TENT5D: variants seen among roughly 807,000 people sequenced by gnomAD.
TENT5D encodes the protein cancer/testis antigen 112.
For synonymous variants in TENT5D, 103 were observed against 100.6 expected (o/e 1.02, Z -0.15); for missense variants, 191 against 287.0 (o/e 0.67, Z 2.42).
At chrX:80,366,600 G>A (rs762486894) in intron 3 of TENT5D, among the ~76,000 whole-genome samples, 54 of 111,047 alleles carry the variant, frequency 4.9e-4, no homozygotes, top group Non-Finnish European at 9.4e-4. Flanking sequence ...GTCATATATT[G>A]TATTCTGCTT....
intron 3 of TENT5D, among the ~76,000 whole-genome samples, chrX:80,353,431 C>G (rs997568315): frequency 1.8e-5 from 2 of 111,458 alleles, no homozygotes; most frequent in Admixed American, 1.9e-4. Context: ...CGCCCTCCTC[C>G]TATCCTCTAC....
intron 1 of TENT5D, among the ~76,000 whole-genome samples, chrX:80,426,046 A>T (rs2147562044): frequency 9.1e-6 from 1 of 110,392 alleles, no homozygotes; most frequent in East Asian, 2.8e-4. Context: ...TAATAATAAT[A>T]ATAATATTTA....
rs372006787 is a variant in TENT5D at position 80,349,362 on chromosome X, C to T, written c.-142+6798C>T. ...CTTGTTATTGGTCTATTCAGGGATTCGACTTCTTCCTGGTTTAGTCTTGGG... is the reference window on the plus strand; with the variant it reads ...CTTGTTATTGGTCTATTCAGGGATTTGACTTCTTCCTGGTTTAGTCTTGGG... On this transcript the variant is annotated intron_variant, in intron 3 of 4. Coordinates refer to the TENT5D transcript ENST00000538312. 8.1e-5 allele frequency among the ~76,000 whole-genome samples: 9 copies of T among 111,528 alleles called. No individual in the cohort carries two copies. The East Asian group carries it at 1.7e-3, about 21-fold the overall frequency.
chrX:80,419,019 G>T (rs1931831937), upstream of TENT5D, among the ~76,000 whole-genome samples: 1 of 110,802 alleles, frequency 9.0e-6, no homozygotes, highest in South Asian at 3.8e-4. Flanking sequence ...TGCATAATTT[G>T]TTTTTTATTT....
intron 2 of TENT5D, among the ~76,000 whole-genome samples, chrX:80,337,229 C>T (rs1335253299): frequency 9.0e-6 from 1 of 110,582 alleles, no homozygotes; most frequent in Non-Finnish European, 1.9e-5. Context: ...TATTGAATAC[C>T]TATAAAATAT....
chrX:80,352,464 G>A (rs1271666858), intron 3 of TENT5D, among the ~76,000 whole-genome samples: 1 of 110,520 alleles, frequency 9.0e-6, no homozygotes, highest in Non-Finnish European at 1.9e-5. Context: ...CGCTGTCGGG[G>A]GAAAACCACC....
At chrX:80,394,456 G>A (rs1361362371) in intron 3 of TENT5D, among the ~76,000 whole-genome samples, 6 of 83,685 alleles carry the variant, frequency 7.2e-5, no homozygotes, top group Admixed American at 1.7e-4. Flanking sequence ...GGAGTGCAAT[G>A]CTGTGATCTC....
chrX:80,409,248 G>T (rs1189953349), intron 3 of TENT5D, among the ~76,000 whole-genome samples: 4 of 110,969 alleles, frequency 3.6e-5, no homozygotes, highest in East Asian at 2.9e-4. Context: ...GTTCTGGCCA[G>T]GGCAATTAGG....
intron 3 of TENT5D, among the ~76,000 whole-genome samples, chrX:80,368,732 CAG>C (rs1207388835): frequency 9.0e-6 from 1 of 111,557 alleles, no homozygotes; most frequent in Admixed American, 9.6e-5. Context: ...ATTTTTAAAA[CAG>C]AATTACTTAG....
At chrX:80,383,159 T>A (rs1396613624) in intron 3 of TENT5D, among the ~76,000 whole-genome samples, 2 of 112,696 alleles carry the variant, frequency 1.8e-5, no homozygotes, top group Non-Finnish European at 3.8e-5. Flanking sequence ...AAATTTGCTT[T>A]AAAACTACTC....
At chrX:80,374,710 CTT>C (rs907669277) in intron 3 of TENT5D, among the ~76,000 whole-genome samples, 5 of 111,281 alleles carry the variant, frequency 4.5e-5, no homozygotes, top group African/African-American at 1.6e-4. Flanking sequence ...TACTCAGAAA[CTT>C]TAGGTCTCCC....
chrX:80,354,033 A>G (rs1406763185), intron 3 of TENT5D, among the ~76,000 whole-genome samples: 1 of 110,820 alleles, frequency 9.0e-6, no homozygotes, highest in Non-Finnish European at 1.9e-5. Flanking sequence ...CATTTTCCTT[A>G]TGATTAGTGA....
chrX:80,346,097 T>C (rs1296971074), intron 3 of TENT5D, among the ~76,000 whole-genome samples: 1 of 112,268 alleles, frequency 8.9e-6, no homozygotes, highest in Non-Finnish European at 1.9e-5. Context: ...CCTTCAAGAA[T>C]TGTCATTTAA....
chrX:80,429,992 GC>G (rs1322676344), intron 1 of TENT5D, among the ~76,000 whole-genome samples: 4 of 108,924 alleles, frequency 3.7e-5, no homozygotes, highest in Non-Finnish European at 7.6e-5. Flanking sequence ...TGGGGATCCT[GC>G]TTTTTTTTTT....
chrX:80,406,304 G>C (rs1346170466), intron 3 of TENT5D, among the ~76,000 whole-genome samples: 2 of 110,097 alleles, frequency 1.8e-5, no homozygotes, highest in African/African-American at 3.3e-5. Flanking sequence ...ATTACTCTGA[G>C]CTACGGGAGG....
Position 80,386,931 on chromosome X carries a change from C to T in TENT5D, c.-142+44367C>T, listed in dbSNP as rs768297408. Among the ~76,000 whole-genome samples the T allele has an allele frequency of 1.9e-4, 21 of 111,791 alleles. No homozygotes were observed. In the Admixed American group the frequency reaches 1.9e-3, roughly 10 times the overall value. ...AATTAAAATGTTCAATCTACAATTC[C>T]GGACCAACCAGCCTCAGTCATTTGT... On this transcript the variant is annotated intron_variant, in intron 3 of 4. Transcript: ENST00000538312.
intron 3 of TENT5D, among the ~76,000 whole-genome samples, chrX:80,381,295 C>A (rs1304207707): frequency 1.8e-5 from 2 of 112,175 alleles, no homozygotes; most frequent in African/African-American, 6.5e-5. Flanking sequence ...CCCCCACTCT[C>A]TTCTGGCTTG....
chrX:80,360,293 G>T (rs1165938685), intron 3 of TENT5D, among the ~76,000 whole-genome samples: 1 of 112,106 alleles, frequency 8.9e-6, no homozygotes, highest in Non-Finnish European at 1.9e-5. Flanking sequence ...CTCCTTTGAA[G>T]AAATTTTAAA....
chrX:80,393,264 T>A (rs1308580378), intron 3 of TENT5D, among the ~76,000 whole-genome samples: 2 of 111,284 alleles, frequency 1.8e-5, no homozygotes, highest in African/African-American at 6.5e-5. Context: ...GTTCACTATT[T>A]TCATTCTGGG....
Sources: gnomAD v4.1 joint callset for allele counts (sites outside exome capture counted in the v4.1 genomes callset) on GRCh38, gnomAD v4.1.1 for gene constraint, MANE v1.5 for transcripts, NCBI Gene and HGNC (gene_info 2026-07-23, HGNC 2026-07-21) for gene names.